The following DMD variants were observed in gnomAD, a reference collection of about 807,000 sequenced individuals.
DMD encodes mutant dystrophin.
In DMD, 63 loss-of-function variants were observed where a neutral mutation model predicts 330.1. That is an observed-to-expected ratio of 0.19 (90% CI 0.16 to 0.24). The LOEUF is 0.24. Ranked by LOEUF, DMD falls within the 10% of genes least tolerant of loss-of-function variation. DMD has a pLI of 1.00. For missense variants in DMD, 3,344 were observed against 2,684.1 expected (o/e 1.25, Z -5.43); for synonymous variants, 1,223 against 959.8 (o/e 1.27, Z -5.07).
At chrX:33,237,578 A>G (rs2052511555) in intron 1 of DMD, among the ~76,000 whole-genome samples, 1 of 111,637 alleles carries the variant, frequency 9.0e-6, no homozygotes, top group Non-Finnish European at 1.9e-5. Flanking sequence ...TTTTTGAGGT[A>G]GGACTTTCAT....
At chrX:32,294,482 GAT>G (rs1308454072) in intron 42 of DMD, among the ~76,000 whole-genome samples, 7 of 111,920 alleles carry the variant, frequency 6.3e-5, no homozygotes, top group African/African-American at 2.3e-4. Context: ...AAAGCTTCCT[GAT>G]TTTAATCTGA....
At chrX:31,324,722 C>T (rs1341887731) in intron 61 of DMD, among the ~76,000 whole-genome samples, 4 of 111,914 alleles carry the variant, frequency 3.6e-5, no homozygotes. Flanking sequence ...TGATGCTGAC[C>T]ATTATTTCCT....
intron 55 of DMD, among the ~76,000 whole-genome samples, chrX:31,516,587 A>C (rs150073508): frequency 5.4e-5 from 6 of 112,039 alleles, no homozygotes; most frequent in African/African-American, 1.9e-4. Context: ...TAGGTAGATA[A>C]GGAGTATGTT....
intron 55 of DMD, among the ~76,000 whole-genome samples, chrX:31,565,856 A>G (rs1287615983): frequency 1.8e-5 from 2 of 112,170 alleles, no homozygotes; most frequent in African/African-American, 6.5e-5. Flanking sequence ...CATTTCTCTA[A>G]TGGCTAATGT....
At position 31,658,567 on chromosome X, in the gene DMD, A is replaced by G. The variant is rs997765870; in HGVS notation, c.7873-423T>C. On this transcript the variant is annotated intron_variant, in intron 53 of 78. Coordinates refer to ENST00000357033, the MANE Select transcript of DMD (RefSeq NM_004006.3). ...TTGAATTGTTTATGTAATTAGTGCC[A>G]TCTACTGGCGTTCAACTAAACCTGC... Among the ~76,000 whole-genome samples the G allele has an allele frequency of 2.7e-5, 3 of 112,550 alleles. No homozygotes were observed. In the Admixed American group the frequency reaches 2.8e-4, roughly 11 times the overall value.
chrX:32,041,532 C>T (rs1218458973), intron 44 of DMD, among the ~76,000 whole-genome samples: 3 of 112,013 alleles, frequency 2.7e-5, no homozygotes, highest in Non-Finnish European at 5.6e-5. Flanking sequence ...AGTACTGTTG[C>T]TTTTATTCTA....
intron 62 of DMD, among the ~76,000 whole-genome samples, chrX:31,262,117 G>A (rs906672933): frequency 2.7e-5 from 3 of 112,497 alleles, no homozygotes; most frequent in African/African-American, 6.5e-5. Context: ...CCCTACTGGC[G>A]GTGAAATTTA....
rs140675722 is a variant in DMD, at chrX:31,961,280, T to C, written c.6614+7059A>G. Among the ~76,000 whole-genome samples, 942 of 112,274 alleles carry C rather than the reference T, an allele frequency of 8.4e-3. 10 individuals carry two copies. Among genetic ancestry groups the C allele is most frequent in the African/African-American group, 0.027 (846 of 30,953 alleles). On this transcript the variant is annotated intron_variant, in intron 45 of 78. Transcript: ENST00000357033. ...ACGTATCCATGGAAATGTGATAACA[T>C]GATAAAAACAGAAAAATTGGTCTGG...
intron 55 of DMD, among the ~76,000 whole-genome samples, chrX:31,624,082 T>C (rs1486422794): frequency 8.9e-6 from 1 of 111,963 alleles, no homozygotes; most frequent in Non-Finnish European, 1.9e-5. Flanking sequence ...GAAAATGTTT[T>C]GGATAGAGAA....
At chrX:32,696,180 G>T (rs1485137111) in intron 9 of DMD, among the ~76,000 whole-genome samples, 1 of 111,732 alleles carries the variant, frequency 8.9e-6, no homozygotes, top group Non-Finnish European at 1.9e-5. Flanking sequence ...ATCAGATCCA[G>T]CCTGTCTTGA....
At chrX:32,915,982 T>C (rs2087764880) in intron 2 of DMD, among the ~76,000 whole-genome samples, 1 of 111,286 alleles carries the variant, frequency 9.0e-6, no homozygotes, top group Non-Finnish European at 1.9e-5. Flanking sequence ...AAATGATTGA[T>C]GAACTGTAAG....
intron 44 of DMD, among the ~76,000 whole-genome samples, chrX:32,017,690 G>A (rs2095774366): frequency 1.8e-5 from 2 of 111,714 alleles, no homozygotes; most frequent in South Asian, 7.5e-4. Context: ...GCAAGATGAA[G>A]CAAGAGTACA....
At chrX:32,364,940 C>T (rs1360726849) in intron 35 of DMD, 80 bp downstream of exon 35, 2 of 1,094,138 alleles carry the variant, frequency 1.8e-6, no homozygotes, top group Non-Finnish European at 2.5e-6. Context: ...AATTTTCAAA[C>T]ACAGAATTGT....
chrX:31,979,587 C>T (rs1331401359), intron 44 of DMD, among the ~76,000 whole-genome samples: 1 of 106,798 alleles, frequency 9.4e-6, no homozygotes, highest in Non-Finnish European at 1.9e-5. Context: ...TGATTAAATT[C>T]TATTTCTGTA....
At chrX:31,538,846 T>G (rs2073605774) in intron 55 of DMD, among the ~76,000 whole-genome samples, 1 of 111,019 alleles carries the variant, frequency 9.0e-6, no homozygotes, top group South Asian at 4.0e-4. Context: ...CTGTGCAAGT[T>G]GTACACCGAG....
At chrX:33,110,426 A>C (rs1055755298) in intron 1 of DMD, among the ~76,000 whole-genome samples, 5 of 111,530 alleles carry the variant, frequency 4.5e-5, no homozygotes, top group African/African-American at 1.3e-4. Context: ...TACTGAATAT[A>C]ATACTATTAT....
At position 33,030,763 on chromosome X, in the gene DMD, T is replaced by C. The variant is rs752451650; in HGVS notation, c.32-10563A>G. Among the ~76,000 whole-genome samples, 20 of 111,670 alleles carry C rather than the reference T, an allele frequency of 1.8e-4. No homozygotes were observed. In the South Asian group the frequency reaches 7.5e-3, roughly 42 times the overall value. ...CCTACTCAATATTACTTTTAAAAGATTCAAATTCTCCCCTGAAAATTTAAA... is the reference window on the plus strand; with the variant it reads ...CCTACTCAATATTACTTTTAAAAGACTCAAATTCTCCCCTGAAAATTTAAA... On this transcript the variant is annotated intron_variant, in intron 1 of 78. Transcript: ENST00000357033.
At chrX:33,310,383 T>C (rs2053831751) in intron 1 of DMD, among the ~76,000 whole-genome samples, 1 of 111,274 alleles carries the variant, frequency 9.0e-6, no homozygotes, top group Non-Finnish European at 1.9e-5. Context: ...ATTACCACAA[T>C]AGTCCAGTGG....
intron 29 of DMD, among the ~76,000 whole-genome samples, chrX:32,435,402 T>C (rs1247740313): frequency 1.9e-5 from 2 of 106,607 alleles, no homozygotes; most frequent in Non-Finnish European, 3.9e-5. Context: ...TATTGAATAA[T>C]TTATTGAATA....
Sources: gnomAD v4.1 joint callset for allele counts (sites outside exome capture counted in the v4.1 genomes callset) on GRCh38, gnomAD v4.1.1 for gene constraint, MANE v1.5 for transcripts, NCBI Gene and HGNC (gene_info 2026-07-23, HGNC 2026-07-21) for gene names.